The following IFT88 variants were observed in gnomAD, a reference collection of about 807,000 sequenced individuals.
IFT88 encodes the protein intraflagellar transport protein 88 homolog.
Under a neutral mutation model 119.5 loss-of-function variants are expected in IFT88, and 74 were observed. That is an observed-to-expected ratio of 0.62 (90% CI 0.51 to 0.75). The LOEUF is 0.75. IFT88 is among the 30% of genes least tolerant of loss of function. The pLI is 0.00. For missense variants in IFT88, 961 were observed against 977.7 expected, an observed-to-expected ratio of 0.98 and a Z score of 0.23; for synonymous variants, 279 against 316.7, an observed-to-expected ratio of 0.88 and a Z score of 1.26.
intron 3 of IFT88, among the ~76,000 whole-genome samples, chr13:20,588,878 T>C (rs1324647403): frequency 6.6e-6 from 1 of 152,192 alleles, no homozygotes; most frequent in African/African-American, 2.4e-5. Context: ...CCTTTTAGTC[T>C]TAGGGTGTAG....
rs2052841033 is a variant in IFT88, at chr13:20,656,530, C to T, written c.2068+100C>T. The T allele has an allele frequency of 1.6e-5, 7 of 449,296 alleles. No individual in the cohort carries two copies. In the South Asian group the frequency reaches 4.7e-4, roughly 30 times the overall value. The allele number at this position is 449,296 out of a possible 1,614,324, so 27.8% of individuals were successfully genotyped here. A position where few individuals can be genotyped will look rare whatever the true frequency, so the allele number is the denominator to read the frequency against. ...GCTACAGTAATTGTATACGTAAATA[C>T]CAACCTATAATTTGTGATACATATT... On this transcript the variant is annotated intron_variant, in intron 22 of 25. Transcript: ENST00000351808.
chr13:20,643,745 AAGTT>A, intron 19 of IFT88, 140 bp downstream of exon 19: 1 of 683,284 alleles, frequency 1.5e-6, no homozygotes, highest in Non-Finnish European at 2.4e-6. Flanking sequence ...TTGGAAAATG[AAGTT>A]AGTTTTTGTT....
At chr13:20,610,487 T>A (rs1177012088) in intron 13 of IFT88, among the ~76,000 whole-genome samples, 1 of 152,040 alleles carries the variant, frequency 6.6e-6, no homozygotes, top group Admixed American at 6.5e-5. Flanking sequence ...ACAGGAGTTG[T>A]CTATACGATT....
intron 3 of IFT88, among the ~76,000 whole-genome samples, chr13:20,583,296 T>C (rs1420113687): frequency 6.6e-6 from 1 of 152,220 alleles, no homozygotes; most frequent in East Asian, 1.9e-4. Flanking sequence ...TTAGATACCT[T>C]ACATAAGTGG....
intron 22 of IFT88, among the ~76,000 whole-genome samples, chr13:20,661,094 C>T (rs2053706352): frequency 6.6e-6 from 1 of 152,138 alleles, no homozygotes; most frequent in Non-Finnish European, 1.5e-5. Context: ...ATTTCTGCCT[C>T]CTAGGACTCA....
intron 24 of IFT88, among the ~76,000 whole-genome samples, chr13:20,672,005 G>A (rs532269090): frequency 2.3e-4 from 35 of 152,242 alleles, no homozygotes; most frequent in African/African-American, 7.5e-4. Context: ...CAAATAAGAC[G>A]TGGTCCCCAT....
Position 20,638,412 on chromosome 13 carries a change from T to C in IFT88, c.1467T>C (p.Asn489=). The change falls in exon 17 of 26, where the codon AAT becomes AAC. Residue 489 remains asparagine (N), a synonymous_variant. Transcript: ENST00000351808. The stretch of plus-strand genomic sequence containing the variant: ...GATATAATCCAGCAGCTCTTACTAA[T>C]AAAGGGAATACAGTTTTTGCAAATG... The part of the protein sequence containing the change: ...SDRYNPAALT[N]KGNTVFANGD... The C allele has an allele frequency of 6.6e-7, 1 of 1,524,938 alleles. No individual in the cohort carries two copies. The highest frequency in any genetic ancestry group is 8.8e-7 in the Non-Finnish European group (1 of 1,141,190). The allele number at this position is 1,524,938 out of a possible 1,614,324, so 94.5% of individuals were successfully genotyped here. A position where few individuals can be genotyped will look rare whatever the true frequency, so the allele number is the denominator to read the frequency against.
intron 1 of IFT88, 96 bp downstream of exon 1, chr13:20,567,352 C>T (rs1361359433): frequency 6.6e-6 from 1 of 152,346 alleles, no homozygotes; most frequent in Non-Finnish European, 1.5e-5. Context: ...GGCCTCTTCG[C>T]CCGTCTCCTG....
At chr13:20,579,146 T>C (rs573720679) in intron 2 of IFT88, among the ~76,000 whole-genome samples, 3 of 152,352 alleles carry the variant, frequency 2.0e-5, no homozygotes, top group East Asian at 3.9e-4. Context: ...TAAACACTTA[T>C]AACTATAAAC....
chr13:20,656,304 T>A, intron 21 of IFT88, 61 bp from the exon 22 acceptor site: 1 of 704,434 alleles, frequency 1.4e-6, no homozygotes, highest in Non-Finnish European at 2.3e-6. Context: ...AAATTAATAT[T>A]TTTCTGAATC....
At chr13:20,683,613 T>C (rs2057562902) in intron 24 of IFT88, among the ~76,000 whole-genome samples, 1 of 152,206 alleles carries the variant, frequency 6.6e-6, no homozygotes. Context: ...GAATTGGCCA[T>C]GCGGATGGCC....
chr13:20,627,730 CAAAAAAAAAAAAA>C (rs58325378), intron 15 of IFT88, among the ~76,000 whole-genome samples: 1 of 80,278 alleles, frequency 1.2e-5, no homozygotes, highest in Non-Finnish European at 2.4e-5. Context: ...GACTTCATCT[CAAAAAAAAAAAAA>C]AAAAAAAAAA....
At chr13:20,580,469 A>T (rs949675585) in intron 2 of IFT88, among the ~76,000 whole-genome samples, 5 of 151,798 alleles carry the variant, frequency 3.3e-5, no homozygotes, top group Non-Finnish European at 7.4e-5. Context: ...GTGAGCCAAG[A>T]TCACGCCATT....
In IFT88 at chr13:20,615,854, A is replaced by ACATCTTTT. The variant is rs753946303; in HGVS notation, c.1175_1182dup (p.Ala395HisfsTer14). ...AAAACTCATTGCTCCTGTAATTGAA[A>ACATCTTTT]CATCTTTTGCTGCAGGTTATGATTG... On this transcript the variant is annotated frameshift_variant, in exon 14 of 26. Transcript: ENST00000351808. LOFTEE classifies it high-confidence loss of function. 19 of 1,607,872 alleles carry ACATCTTTT rather than the reference A, an allele frequency of 1.2e-5. No homozygotes were observed. Among genetic ancestry groups the ACATCTTTT allele is most frequent in the Non-Finnish European group, 1.6e-5 (19 of 1,176,880 alleles).
Position 20,574,367 on chromosome 13 carries a change from C to T in IFT88, c.-6-13C>T. 6.5e-7 allele frequency: 1 copy of T among 1,531,372 alleles called. No homozygotes were observed. The highest frequency in any genetic ancestry group is 1.7e-5 in the Admixed American group (1 of 58,250). 94.9% of individuals were successfully genotyped at this position (1,531,372 alleles called of 1,614,324 possible). On this transcript the variant is annotated splice_polypyrimidine_tract_variant and intron_variant, in intron 1 of 25. Coordinates refer to ENST00000351808, the MANE Select transcript of IFT88 (RefSeq NM_006531.5). ...TATACCAAGAACATATTTACACTGC[C>T]AGTTTTTCCTAGGTACAAATGATGC...
intron 8 of IFT88, 124 bp from the exon 9 acceptor site, chr13:20,596,891 A>AG (rs1491156166): frequency 3.6e-6 from 2 of 548,342 alleles, no homozygotes; most frequent in African/African-American, 4.0e-5. Flanking sequence ...AAGAGCACAC[A>AG]GGGGTGTCTT....
chr13:20,607,671 TG>T (rs2043746895), intron 13 of IFT88: 1 of 881,726 alleles, frequency 1.1e-6, no homozygotes, highest in Admixed American at 1.7e-5. Context: ...TCAGCTTTCC[TG>T]GTCAGCAGCG....
At chr13:20,567,485 C>T (rs2035094464) in intron 1 of IFT88, among the ~76,000 whole-genome samples, 1 of 152,236 alleles carries the variant, frequency 6.6e-6, no homozygotes, top group African/African-American at 2.4e-5. Flanking sequence ...TTTCTCACAT[C>T]GGTGTCCCCA....
intron 1 of IFT88, among the ~76,000 whole-genome samples, chr13:20,569,766 C>T (rs985058979): frequency 3.3e-5 from 5 of 151,700 alleles, no homozygotes; most frequent in East Asian, 1.9e-4. Flanking sequence ...CGGTGGTTCA[C>T]GCCTGTAATC....
Sources: gnomAD v4.1 joint callset for allele counts (sites outside exome capture counted in the v4.1 genomes callset) on GRCh38, gnomAD v4.1.1 for gene constraint, MANE v1.5 for transcripts, NCBI Gene and HGNC (gene_info 2026-07-23, HGNC 2026-07-21) for gene names.